The following CECR2 variants were observed in gnomAD, a reference collection of about 807,000 sequenced individuals.
CECR2 encodes the protein CECR2 histone acetyl-lysine reader.
In CECR2, 30 loss-of-function variants were observed where a neutral mutation model predicts 154.5. That is an observed-to-expected ratio of 0.19 (90% confidence interval 0.15 to 0.26). CECR2 has a LOEUF of 0.26. Among genes scored for constraint, CECR2 ranks in the 10% least tolerant of loss-of-function variants. The pLI is 1.00. For synonymous variants in CECR2, 725 were observed against 683.7 expected, an observed-to-expected ratio of 1.06 and a Z score of -0.94; for missense variants, 1,743 against 1,829.3, an observed-to-expected ratio of 0.95 and a Z score of 0.86.
At position 17,542,230 on chromosome 22, in the gene CECR2, T is replaced by C; in HGVS notation, c.2087T>C (p.Leu696Pro). 4 of 1,611,704 alleles carry C rather than the reference T, an allele frequency of 2.5e-6. No homozygotes were observed. The highest frequency in any genetic ancestry group is 3.4e-6 in the Non-Finnish European group (4 of 1,178,886). The stretch of plus-strand genomic sequence containing the variant: ...GAGGAGAAGCAAATGTGCGGGGGGC[T>C]GACACACCTTTCTAACATGGGCCCA... Reference protein sequence around the residue: ...TPEEKQMCGGLTHLSNMGPHP... With the variant: ...TPEEKQMCGGPTHLSNMGPHP... Residue 696 changes from leucine to proline, a missense_variant, in exon 16 of 19, where the codon CTG becomes CCG. Transcript: ENST00000262608.
intron 2 of CECR2, among the ~76,000 whole-genome samples, chr22:17,484,056 T>A (rs765818189): frequency 1.4e-4 from 21 of 152,236 alleles, no homozygotes; most frequent in Non-Finnish European, 2.6e-4. Context: ...CAGTGGGCTA[T>A]GCCATATAGT....
chr22:17,414,148 A>G (rs993662694), intron 1 of CECR2, among the ~76,000 whole-genome samples: 3 of 148,700 alleles, frequency 2.0e-5, no homozygotes, highest in Non-Finnish European at 4.5e-5. Flanking sequence ...AATTTTTTGT[A>G]TTTTTAGTAG....
At chr22:17,481,536 A>G (rs540366223) in intron 2 of CECR2, among the ~76,000 whole-genome samples, 19 of 152,198 alleles carry the variant, frequency 1.2e-4, no homozygotes, top group African/African-American at 4.6e-4. Flanking sequence ...GACTCAACCA[A>G]GTGTCTGTAT....
chr22:17,407,457 C>T lies in CECR2; in HGVS notation c.126+37548C>T, dbSNP rs112421280. Among the ~76,000 whole-genome samples, 12 of 152,100 alleles carry T rather than the reference C, an allele frequency of 7.9e-5. 1 individual carries two copies. Among genetic ancestry groups the T allele is most frequent in the African/African-American group, 2.4e-4 (10 of 41,498 alleles). On this transcript the variant is annotated intron_variant, in intron 1 of 18. Transcript: ENST00000262608. ...CTGAAAACACAAAATTCGCCAGGCA[C>T]GGTGGCGGGCGCGTGTAATCCCAGC...
upstream of CECR2, among the ~76,000 whole-genome samples, chr22:17,367,641 C>G (rs962693059): frequency 6.6e-6 from 1 of 152,178 alleles, no homozygotes. Context: ...CCCGCCTCGG[C>G]CTCCCAAAGT....
intron 8 of CECR2, among the ~76,000 whole-genome samples, chr22:17,523,775 A>G (rs2056202303): frequency 7.1e-6 from 1 of 141,426 alleles, no homozygotes. Context: ...AAAAAAAAAA[A>G]GAAAAAAAAG....
intron 1 of CECR2, among the ~76,000 whole-genome samples, chr22:17,454,864 A>C (rs2054829779): frequency 6.6e-6 from 1 of 152,212 alleles, no homozygotes; most frequent in African/African-American, 2.4e-5. Flanking sequence ...ACATAAATTT[A>C]ATTTCCTCAG....
Position 17,463,734 on chromosome 22 carries a change from C to T in CECR2, c.127-13854C>T, listed in dbSNP as rs138492028. Among the ~76,000 whole-genome samples the T allele has an allele frequency of 2.8e-4, 43 of 151,504 alleles. No individual in the cohort carries two copies. The East Asian group carries it at 6.2e-3, about 22-fold the overall frequency. ...GACGGGCACTGGGATAAGGGGACTCCGGAGTTGAGGAGAGGTGGGGGGGTG... is the reference window on the plus strand; with the variant it reads ...GACGGGCACTGGGATAAGGGGACTCTGGAGTTGAGGAGAGGTGGGGGGGTG... On this transcript the variant is annotated intron_variant, in intron 1 of 18. Coordinates refer to ENST00000262608, the MANE Select transcript of CECR2 (RefSeq NM_001290047.2).
chr22:17,497,675 C>A, intron 3 of CECR2, 89 bp downstream of exon 3: 2 of 1,334,912 alleles, frequency 1.5e-6, no homozygotes, highest in Non-Finnish European at 2.1e-6. Context: ...AGATACTAAG[C>A]CAGAGTTTGG....
chr22:17,412,607 CAG>C (rs957973540), intron 1 of CECR2, among the ~76,000 whole-genome samples: 7 of 152,106 alleles, frequency 4.6e-5, no homozygotes, highest in African/African-American at 1.2e-4. Context: ...GCTATGGGAT[CAG>C]AGACAAGGTG....
At position 17,556,637 on chromosome 22, in the gene CECR2, AG is replaced by A. The variant is rs2056774848; in HGVS notation, c.*3799del. The A allele has an allele frequency of 6.6e-6, 1 of 152,178 alleles. No individual in the cohort carries two copies. The highest frequency in any genetic ancestry group is 1.5e-5 in the Non-Finnish European group (1 of 68,038). The allele number at this position is 152,178 out of a possible 1,614,324, so 9.4% of individuals were successfully genotyped here. A position where few individuals can be genotyped will look rare whatever the true frequency, so the allele number is the denominator to read the frequency against. On this transcript the variant is annotated 3_prime_UTR_variant, in exon 19 of 19. Coordinates refer to ENST00000262608, the MANE Select transcript of CECR2 (RefSeq NM_001290047.2). ...AGACCTGATTTGAAATTTCACAGGA[AG>A]GCCTAATCCTATAGTCACAAGGTAA...
intron 2 of CECR2, among the ~76,000 whole-genome samples, chr22:17,481,048 T>TAAAAAAAAAAAAAAAA (rs1569109739): frequency 1.4e-5 from 1 of 73,178 alleles, no homozygotes; most frequent in African/African-American, 4.2e-5. Flanking sequence ...TCTTTTTTTT[T>TAAAAAAAAAAAAAAAA]TAAAAAAAAA....
At chr22:17,368,055 G>C (rs1601228519), upstream of CECR2, among the ~76,000 whole-genome samples, 1 of 152,278 alleles carries the variant, frequency 6.6e-6, no homozygotes, top group East Asian at 1.9e-4. Flanking sequence ...ACCCTTGTTA[G>C]AAGATGATGT....
chr22:17,521,069 C>T (rs1476289965), intron 8 of CECR2, among the ~76,000 whole-genome samples: 3 of 152,138 alleles, frequency 2.0e-5, no homozygotes, highest in Non-Finnish European at 4.4e-5. Context: ...AGCGTAAAAG[C>T]GTTCCTATTT....
intron 1 of CECR2, among the ~76,000 whole-genome samples, chr22:17,402,934 T>C (rs1303766578): frequency 6.6e-6 from 1 of 152,134 alleles, no homozygotes; most frequent in Non-Finnish European, 1.5e-5. Context: ...ATTTTGTATT[T>C]TTAGTAGAGA....
chr22:17,502,204 G>A (rs1444236021), intron 5 of CECR2, among the ~76,000 whole-genome samples: 4 of 152,082 alleles, frequency 2.6e-5, no homozygotes, highest in Non-Finnish European at 5.9e-5. Flanking sequence ...TCCATTTTGG[G>A]GGAAAGTTAA....
chr22:17,369,451 C>G (rs1325368273), upstream of CECR2: 1 of 151,200 alleles, frequency 6.6e-6, no homozygotes, highest in African/African-American at 2.4e-5. Flanking sequence ...CCCCTCCGCC[C>G]CTAGCCCCAT....
intron 2 of CECR2, among the ~76,000 whole-genome samples, chr22:17,480,370 C>A (rs892004054): frequency 1.3e-5 from 2 of 149,544 alleles, no homozygotes; most frequent in African/African-American, 4.9e-5. Context: ...GGTCTGTGAT[C>A]AAGGTACCAG....
At chr22:17,469,300 G>T (rs4819592) in intron 1 of CECR2, among the ~76,000 whole-genome samples, 1 of 151,682 alleles carries the variant, frequency 6.6e-6, no homozygotes, top group African/African-American at 2.4e-5. Flanking sequence ...TAGTTTTCTA[G>T]TATTTGAATT....
Sources: gnomAD v4.1 joint callset for allele counts (sites outside exome capture counted in the v4.1 genomes callset) on GRCh38, gnomAD v4.1.1 for gene constraint, MANE v1.5 for transcripts, NCBI Gene and HGNC (gene_info 2026-07-23, HGNC 2026-07-21) for gene names.